Variants in MGAT4C observed in about 807,000 individuals in gnomAD.
MGAT4C encodes the protein MGAT4 family member C, also known as alpha-1,3-mannosyl-glycoprotein 4-beta-N-acetylglucosaminyltransferase C.
MGAT4C carries 19 observed loss-of-function variants against 40.1 expected under a neutral mutation model. The observed-to-expected ratio is 0.47, with a 90% CI of 0.33 to 0.70. The LOEUF (loss-of-function observed/expected upper bound fraction) is 0.70. Among genes scored for constraint, MGAT4C ranks in the 30% least tolerant of loss-of-function variants. The pLI is 0.02. For synonymous variants in MGAT4C, 181 were observed against 187.1 expected (o/e 0.97, Z 0.27); for missense variants, 491 against 563.2 (o/e 0.87, Z 1.30).
chr12:86,455,262 C>G (rs1957490847), intron 2 of MGAT4C, among the ~76,000 whole-genome samples: 1 of 152,020 alleles, frequency 6.6e-6, no homozygotes, highest in Non-Finnish European at 1.5e-5. Flanking sequence ...GTATTCAGCA[C>G]AATTCTCTGT....
intron 3 of MGAT4C, among the ~76,000 whole-genome samples, chr12:86,404,741 A>G (rs1459040515): frequency 6.6e-6 from 1 of 152,182 alleles, no homozygotes; most frequent in Non-Finnish European, 1.5e-5. Context: ...TCTGATGTAA[A>G]AAACAATTAT....
intron 2 of MGAT4C, among the ~76,000 whole-genome samples, chr12:86,513,675 C>A (rs1958633002): frequency 6.6e-6 from 1 of 152,060 alleles, no homozygotes. Context: ...TAGAGACTTT[C>A]AAGTATCTGT....
intron 1 of MGAT4C, among the ~76,000 whole-genome samples, chr12:86,148,174 C>A (rs1181473250): frequency 6.6e-6 from 1 of 152,082 alleles, no homozygotes; most frequent in African/African-American, 2.4e-5. Flanking sequence ...TTTTTGCTGT[C>A]ACTTAAAATT....
chr12:86,391,079 ATC>A (rs1208114759), intron 3 of MGAT4C, among the ~76,000 whole-genome samples: 1 of 152,196 alleles, frequency 6.6e-6, no homozygotes, highest in East Asian at 1.9e-4. Context: ...GGCATTCAAA[ATC>A]TGTTTTCTCC....
In MGAT4C at chr12:86,427,524, A is replaced by G. The variant is rs989230749; in HGVS notation, c.-120+7633T>C. On this transcript the variant is annotated intron_variant, in intron 3 of 7. Transcript: ENST00000548651. Reference sequence around the variant, plus strand: ...ATCCACCTTACACACACACAGACACACTCTAGCACACACATGCACATGTGC... The same window carrying G: ...ATCCACCTTACACACACACAGACACGCTCTAGCACACACATGCACATGTGC... Among the ~76,000 whole-genome samples, 5 of 152,012 alleles carry G rather than the reference A, an allele frequency of 3.3e-5. No homozygotes were observed. In the South Asian group the frequency reaches 1.0e-3, roughly 32 times the overall value.
chr12:86,138,539 T>A (rs887750315), intron 1 of MGAT4C, among the ~76,000 whole-genome samples: 2 of 147,990 alleles, frequency 1.4e-5, no homozygotes, highest in African/African-American at 4.9e-5. Context: ...ATGTATATAT[T>A]TCCATAGATA....
intron 1 of MGAT4C, among the ~76,000 whole-genome samples, chr12:86,235,803 G>C (rs1307314164): frequency 1.3e-5 from 2 of 151,976 alleles, no homozygotes; most frequent in East Asian, 3.9e-4. Context: ...GCGTGATTCT[G>C]GAAGGCCAGT....
At chr12:86,020,928 G>T (rs1053564296) in intron 2 of MGAT4C, among the ~76,000 whole-genome samples, 7 of 152,158 alleles carry the variant, frequency 4.6e-5, no homozygotes, top group Admixed American at 1.3e-4. Context: ...GTGGGCAGAG[G>T]ATATGAACAG....
chr12:86,586,204 G>C (rs1961032452), intron 2 of MGAT4C, among the ~76,000 whole-genome samples: 1 of 137,620 alleles, frequency 7.3e-6, no homozygotes, highest in South Asian at 2.5e-4. Context: ...TGTGGTGTTT[G>C]GTTTTTTGTT....
intron 2 of MGAT4C, among the ~76,000 whole-genome samples, chr12:86,630,416 A>G (rs967054153): frequency 6.6e-6 from 1 of 152,238 alleles, no homozygotes; most frequent in African/African-American, 2.4e-5. Flanking sequence ...GGCCAGTATC[A>G]CTGTGATACC....
intron 3 of MGAT4C, among the ~76,000 whole-genome samples, chr12:86,354,970 G>A (rs1955274959): frequency 1.3e-5 from 2 of 152,152 alleles, no homozygotes; most frequent in Non-Finnish European, 2.9e-5. Context: ...CTGCTGGCTG[G>A]GGGCGGCCAG....
intron 2 of MGAT4C, among the ~76,000 whole-genome samples, chr12:86,496,626 T>A (rs1958241423): frequency 6.6e-6 from 1 of 151,976 alleles, no homozygotes; most frequent in South Asian, 2.1e-4. Flanking sequence ...AAAGAGAAGC[T>A]ATATATTTGA....
chr12:86,725,524 G>T (rs868201286), intron 2 of MGAT4C, among the ~76,000 whole-genome samples: 1 of 152,012 alleles, frequency 6.6e-6, no homozygotes, highest in East Asian at 1.9e-4. Context: ...TATAGTGGGC[G>T]ATCTCGGCTC....
At chr12:86,762,646 A>G (rs1343806913) in intron 1 of MGAT4C, among the ~76,000 whole-genome samples, 1 of 152,214 alleles carries the variant, frequency 6.6e-6, no homozygotes, top group African/African-American at 2.4e-5. Context: ...TGAAAAACCC[A>G]TTGAATATTT....
intron 2 of MGAT4C, among the ~76,000 whole-genome samples, chr12:86,469,024 C>T (rs1957721171): frequency 1.3e-5 from 2 of 152,090 alleles, no homozygotes; most frequent in Admixed American, 1.3e-4. Context: ...GTTTGTCATT[C>T]ATTGTCTCTT....
At chr12:86,585,126 C>A (rs957203789) in intron 2 of MGAT4C, among the ~76,000 whole-genome samples, 28 of 151,266 alleles carry the variant, frequency 1.9e-4, no homozygotes, top group African/African-American at 6.3e-4. Context: ...GTAATTTGTA[C>A]TGTACCTATA....
chr12:86,633,859 G>C lies in MGAT4C; in HGVS notation c.-229+93350C>G, dbSNP rs992273629. On this transcript the variant is annotated intron_variant, in intron 2 of 7. Coordinates refer to the MGAT4C transcript ENST00000548651. ...TGAAATGAGATTCTTAGATCATTAAGTTGCCTCCTCCATACTTGTATATGA... is the reference window on the plus strand; with the variant it reads ...TGAAATGAGATTCTTAGATCATTAACTTGCCTCCTCCATACTTGTATATGA... Among the ~76,000 whole-genome samples the C allele has an allele frequency of 2.0e-5, 3 of 152,040 alleles. No homozygotes were observed. The East Asian group carries it at 5.8e-4, about 30-fold the overall frequency.
intron 1 of MGAT4C, among the ~76,000 whole-genome samples, chr12:86,228,837 G>A (rs981534227): frequency 6.6e-6 from 1 of 151,842 alleles, no homozygotes; most frequent in African/African-American, 2.4e-5. Context: ...GATCAGCAAA[G>A]TGAAACTAAA....
intron 1 of MGAT4C, among the ~76,000 whole-genome samples, chr12:86,815,380 C>G (rs1593233799): frequency 6.6e-6 from 1 of 152,006 alleles, no homozygotes; most frequent in East Asian, 2.0e-4. Flanking sequence ...ACAGGCAACA[C>G]TTCTACACTG....
Sources: gnomAD v4.1 joint callset for allele counts (sites outside exome capture counted in the v4.1 genomes callset) on GRCh38, gnomAD v4.1.1 for gene constraint, MANE v1.5 for transcripts, NCBI Gene and HGNC (gene_info 2026-07-23, HGNC 2026-07-21) for gene names.